The following SMYD4 variants were observed in gnomAD, a reference collection of about 807,000 sequenced individuals.
SMYD4 encodes the protein SET and MYND domain containing 4.
A neutral mutation model predicts 72.8 loss-of-function variants in SMYD4; 68 were observed. The ratio of observed to expected loss-of-function variants is 0.93; its 90% CI spans 0.77 to 1.14. The LOEUF (loss-of-function observed/expected upper bound fraction) is 1.14, where lower values mean the gene tolerates loss of function less well. Among genes scored for constraint, SMYD4 ranks in the 50% most tolerant of loss-of-function variants. The pLI is 0.00. For synonymous variants in SMYD4, 407 were observed against 388.6 expected (o/e 1.05, Z -0.56); for missense variants, 984 against 1,003.7 (o/e 0.98, Z 0.27).
At chr17:1,811,634 T>C (rs1356571883) in intron 3 of SMYD4, among the ~76,000 whole-genome samples, 2 of 152,172 alleles carry the variant, frequency 1.3e-5, no homozygotes, top group Admixed American at 6.5e-5. Flanking sequence ...CATTGTTACA[T>C]TGCTGGGCTG....
chr17:1,824,700 C>A (rs1017621035), intron 2 of SMYD4, among the ~76,000 whole-genome samples: 1 of 152,044 alleles, frequency 6.6e-6, no homozygotes, highest in Non-Finnish European at 1.5e-5. Context: ...GCGCACTGCA[C>A]CCTCCGTCTC....
intron 5 of SMYD4, among the ~76,000 whole-genome samples, chr17:1,794,089 A>ATG (rs1199496815): frequency 0.22 from 5,119 of 23,770 alleles, 809 homozygotes; most frequent in Non-Finnish European, 0.34. Context: ...GTGTATATAT[A>ATG]TATATATATA....
At chr17:1,817,554 G>C (rs573309222) in intron 2 of SMYD4, among the ~76,000 whole-genome samples, 17 of 152,108 alleles carry the variant, frequency 1.1e-4, no homozygotes, top group African/African-American at 3.9e-4. Context: ...GGCTGGTCTC[G>C]AACTCCTGGG....
intron 5 of SMYD4, among the ~76,000 whole-genome samples, chr17:1,790,651 G>T (rs112558429): frequency 1.3e-5 from 2 of 151,816 alleles, no homozygotes; most frequent in Non-Finnish European, 2.9e-5. Flanking sequence ...TGAGTAGCTG[G>T]GATTACAGGC....
chr17:1,823,459 GCACA>G (rs1328545252), intron 2 of SMYD4, among the ~76,000 whole-genome samples: 1 of 148,796 alleles, frequency 6.7e-6, no homozygotes, highest in African/African-American at 2.5e-5. Flanking sequence ...TGGGGGAAAT[GCACA>G]CAAAATACCC....
chr17:1,819,895 CT>C (rs560750557), intron 2 of SMYD4, among the ~76,000 whole-genome samples: 23 of 152,156 alleles, frequency 1.5e-4, no homozygotes, highest in African/African-American at 5.1e-4. Flanking sequence ...TCAAGCAATT[CT>C]TCTGCCTCAG....
intron 5 of SMYD4, among the ~76,000 whole-genome samples, chr17:1,799,119 C>T (rs71360501): frequency 0.72 from 108,551 of 150,412 alleles, 40,036 homozygotes; most frequent in Non-Finnish European, 0.79. Flanking sequence ...ATTAGCCGGG[C>T]GTGGTGGCGG....
At chr17:1,788,677 C>T (rs559616368) in intron 5 of SMYD4, among the ~76,000 whole-genome samples, 4 of 151,594 alleles carry the variant, frequency 2.6e-5, no homozygotes, top group African/African-American at 7.3e-5. Flanking sequence ...CCCCTGAGGA[C>T]GTTGCAGTGA....
In SMYD4 at chr17:1,800,989, AT is replaced by A. The variant is rs750340621; in HGVS notation, c.404del (p.His135LeufsTer45). The A allele has an allele frequency of 1.7e-5, 28 of 1,613,608 alleles. No individual in the cohort carries two copies. The East Asian group carries it at 6.0e-4, about 35-fold the overall frequency. ...CLKDINRAQT[H>X]GYPERLQPKI... ...TGGGTTGCAACCTTTCTGGATACCCATGTGTCTGTGCTCTGTTAATGTCTTT... is the reference window on the plus strand; with the variant it reads ...TGGGTTGCAACCTTTCTGGATACCCAGTGTCTGTGCTCTGTTAATGTCTTT... On this transcript the variant is annotated frameshift_variant, in exon 5 of 11. Transcript: ENST00000305513. LOFTEE classifies it high-confidence loss of function.
chr17:1,808,587 T>G (rs367561420), intron 3 of SMYD4, among the ~76,000 whole-genome samples: 2 of 152,046 alleles, frequency 1.3e-5, no homozygotes, highest in African/African-American at 4.8e-5. Flanking sequence ...AGAAAGAAAA[T>G]AGCAGCTTTC....
At chr17:1,828,125 T>A in intron 1 of SMYD4, 119 bp from the exon 2 acceptor site, 3 of 933,898 alleles carry the variant, frequency 3.2e-6, no homozygotes, top group Non-Finnish European at 4.8e-6. Context: ...CCGAGGTAGG[T>A]GGATCACGAG....
chr17:1,801,534 C>A (rs1909755607), intron 4 of SMYD4, among the ~76,000 whole-genome samples: 1 of 151,028 alleles, frequency 6.6e-6, no homozygotes, highest in Non-Finnish European at 1.5e-5. Flanking sequence ...GCCACTGCGC[C>A]CAGCCCCTGG....
In SMYD4 at chr17:1,827,472, C is replaced by G. The variant is rs556586198; in HGVS notation, c.134+389G>C. On this transcript the variant is annotated intron_variant, in intron 2 of 10. Coordinates refer to ENST00000305513, the MANE Select transcript of SMYD4 (RefSeq NM_052928.3). ...CACACATATATAAAGGAAAATCACA[C>G]AGCATTGTAAATGTACAAAGAGTGA... 3.9e-5 allele frequency among the ~76,000 whole-genome samples: 6 copies of G among 152,146 alleles called. No individual in the cohort carries two copies. The South Asian group carries it at 1.0e-3, about 26-fold the overall frequency.
At position 1,783,370 on chromosome 17, in the gene SMYD4, A is replaced by C. The variant is rs1908475960; in HGVS notation, c.2127T>G (p.Cys709Trp). Reference protein sequence around the residue: ...GEIADGLARACAALGDWQKSA... With the variant: ...GEIADGLARAWAALGDWQKSA... ...AGGCTCATGCTGTACCTAAGGCAGCACAGGCCCGGGCCAGGCCATCCGCGA... is the reference window on the plus strand; with the variant it reads ...AGGCTCATGCTGTACCTAAGGCAGCCCAGGCCCGGGCCAGGCCATCCGCGA... Residue 709 changes from cysteine (C) to tryptophan (W), a missense_variant, in exon 9 of 11, where the codon TGT becomes TGG. By Grantham distance (215) the Cys-to-Trp change is radical. Transcript: ENST00000305513. The C allele has an allele frequency of 1.2e-6, 2 of 1,612,348 alleles. No individual in the cohort carries two copies. Among genetic ancestry groups the C allele is most frequent in the Non-Finnish European group, 1.7e-6 (2 of 1,180,020 alleles).
intron 5 of SMYD4, among the ~76,000 whole-genome samples, chr17:1,799,079 G>A (rs1909561072): frequency 6.6e-6 from 1 of 151,558 alleles, no homozygotes; most frequent in African/African-American, 2.4e-5. Context: ...AGACCATGGT[G>A]AAACCCCGTC....
intron 2 of SMYD4, among the ~76,000 whole-genome samples, chr17:1,817,751 TTCTTTTAAGAAGTTTACAATTGG>T (rs1199495073): frequency 6.6e-6 from 1 of 152,126 alleles, no homozygotes. Context: ...CCCCTATGTT[TTCTTTTAAGAAGTTTACAATTGG>T]CCGGGCACAG....
intron 7 of SMYD4, among the ~76,000 whole-genome samples, chr17:1,784,765 A>G (rs1178627467): frequency 2.0e-5 from 3 of 151,974 alleles, no homozygotes; most frequent in Non-Finnish European, 4.4e-5. Context: ...CCAGGACTTT[A>G]GATGACAAAC....
intron 7 of SMYD4, among the ~76,000 whole-genome samples, chr17:1,785,883 A>T (rs1156335936): frequency 6.6e-6 from 1 of 152,142 alleles, no homozygotes; most frequent in African/African-American, 2.4e-5. Flanking sequence ...CCTTTCACTC[A>T]TGACTCCCCT....
At position 1,781,204 on chromosome 17, in the gene SMYD4, A is replaced by C. The variant is rs867601446; in HGVS notation, c.*82T>G. 11 of 1,529,570 alleles carry C rather than the reference A, an allele frequency of 7.2e-6. No homozygotes were observed. The Middle Eastern group carries it at 1.2e-3, about 172-fold the overall frequency. The allele number at this position is 1,529,570 out of a possible 1,614,324, so 94.7% of individuals were successfully genotyped here. A position where few individuals can be genotyped will look rare whatever the true frequency, so the allele number is the denominator to read the frequency against. On this transcript the variant is annotated 3_prime_UTR_variant, in exon 11 of 11. Transcript: ENST00000305513. ...CCAAAGTGCTGGGATTACAGGCGTG[A>C]GCCACCATACCTGGCCAGCAAAACC...
Sources: gnomAD v4.1 joint callset for allele counts (sites outside exome capture counted in the v4.1 genomes callset) on GRCh38, gnomAD v4.1.1 for gene constraint, MANE v1.5 for transcripts, NCBI Gene and HGNC (gene_info 2026-07-23, HGNC 2026-07-21) for gene names.